Variants in MOB4 observed in about 807,000 individuals in gnomAD.
MOB4 encodes the protein MOB family member 4, phocein, also known as MOB-like protein phocein.
In MOB4, 4 loss-of-function variants were observed where a neutral mutation model predicts 32.2. The ratio of observed to expected loss-of-function variants is 0.12; its 90% CI spans 0.06 to 0.28. The LOEUF is 0.28. Ranked by LOEUF, MOB4 falls within the 10% of genes least tolerant of loss-of-function variation. MOB4 has a pLI of 1.00. For missense variants in MOB4, 158 were observed against 271.2 expected, an observed-to-expected ratio of 0.58 and a Z score of 2.93; for synonymous variants, 88 against 88.1, an observed-to-expected ratio of 1.00 and a Z score of 0.01.
At chr2:197,546,372 C>T (rs2086994009) in intron 5 of MOB4, among the ~76,000 whole-genome samples, 1 of 151,178 alleles carries the variant, frequency 6.6e-6, no homozygotes, top group South Asian at 2.1e-4. Context: ...CACGTTATCC[C>T]CTTTTTAATG....
At chr2:197,516,696 T>G (rs950256526) in intron 1 of MOB4, 1 of 471,722 alleles carries the variant, frequency 2.1e-6, no homozygotes, top group Middle Eastern at 3.2e-4. Flanking sequence ...TCCCTGCCGC[T>G]TTCCCTGGAG....
chr2:197,549,537 C>T (rs2087056995), intron 6 of MOB4, among the ~76,000 whole-genome samples: 1 of 151,870 alleles, frequency 6.6e-6, no homozygotes, highest in Admixed American at 6.6e-5. Flanking sequence ...TTTAAAAAAA[C>T]AATTTTAATT....
At chr2:197,546,710 A>T (rs142791091) in intron 5 of MOB4, among the ~76,000 whole-genome samples, 10 of 152,294 alleles carry the variant, frequency 6.6e-5, no homozygotes, top group East Asian at 5.8e-4. Context: ...TAGAAAATTT[A>T]AAATTAAATA....
chr2:197,538,860 C>G (rs78980484), intron 3 of MOB4, among the ~76,000 whole-genome samples: 4 of 152,032 alleles, frequency 2.6e-5, no homozygotes, highest in Non-Finnish European at 5.9e-5. Flanking sequence ...GAGGGTGATA[C>G]GGTGATTTAG....
At chr2:197,550,183 C>A in intron 6 of MOB4, 92 bp from the exon 7 acceptor site, 1 of 1,186,276 alleles carries the variant, frequency 8.4e-7, no homozygotes, top group Non-Finnish European at 1.1e-6. Context: ...CCCTAGGTGT[C>A]AGTTTCTACA....
Position 197,520,913 on chromosome 2 carries a change from A to G in MOB4, c.61-2711A>G, listed in dbSNP as rs532315054. 8.9e-4 allele frequency among the ~76,000 whole-genome samples: 135 copies of G among 151,474 alleles called. 1 individual carries two copies. Among genetic ancestry groups the G allele is most frequent in the African/African-American group, 3.1e-3 (128 of 41,282 alleles). ...TCTCTTAAAAAAAAAAAAAAAAAAA[A>G]AAAAGAAGAAGAAATAAAAATATTC... On this transcript the variant is annotated intron_variant, in intron 1 of 7. Transcript: ENST00000323303.
At chr2:197,542,256 CTT>C (rs1158023930) in intron 5 of MOB4, among the ~76,000 whole-genome samples, 2 of 152,270 alleles carry the variant, frequency 1.3e-5, no homozygotes, top group African/African-American at 4.8e-5. Flanking sequence ...TAAATTGAGT[CTT>C]AGAATTGCAG....
chr2:197,521,330 G>A (rs1247683620), intron 1 of MOB4, among the ~76,000 whole-genome samples: 1 of 152,192 alleles, frequency 6.6e-6, no homozygotes, highest in Non-Finnish European at 1.5e-5. Flanking sequence ...TGTACAAATA[G>A]GGTGTGGGTC....
upstream of MOB4, chr2:197,515,842 G>T: frequency 1.9e-6 from 1 of 533,176 alleles, no homozygotes; most frequent in Non-Finnish European, 3.3e-6. Context: ...AAAGAGGCTC[G>T]TGGCGCCCGC....
At chr2:197,526,497 A>C (rs1361394502) in intron 2 of MOB4, among the ~76,000 whole-genome samples, 1 of 151,972 alleles carries the variant, frequency 6.6e-6, no homozygotes, top group Non-Finnish European at 1.5e-5. Context: ...TTGTAGTTTT[A>C]GTTAGAGACA....
At chr2:197,517,636 ATT>A (rs1333495073) in intron 1 of MOB4, among the ~76,000 whole-genome samples, 1 of 152,036 alleles carries the variant, frequency 6.6e-6, no homozygotes, top group African/African-American at 2.4e-5. Context: ...AAGAAAACTT[ATT>A]GTCTTTTTTT....
At chr2:197,525,278 AGT>A (rs34363550) in intron 2 of MOB4, among the ~76,000 whole-genome samples, 100,339 of 150,482 alleles carry the variant, frequency 0.67, 33,734 homozygotes, top group Middle Eastern at 0.85. Flanking sequence ...CCTGGGAGGC[AGT>A]GAGCCTGCAG....
intron 2 of MOB4, among the ~76,000 whole-genome samples, chr2:197,529,599 A>C (rs145631665): frequency 0.018 from 2,749 of 151,798 alleles, 83 homozygotes; most frequent in African/African-American, 0.064. Context: ...TGATCCATCC[A>C]CCTCAGCCTC....
chr2:197,536,726 C>T (rs1323064168), intron 3 of MOB4, among the ~76,000 whole-genome samples: 7 of 150,806 alleles, frequency 4.6e-5, no homozygotes, highest in South Asian at 4.2e-4. Flanking sequence ...CTCAGCCTCC[C>T]GAGTAGCTGG....
intron 5 of MOB4, among the ~76,000 whole-genome samples, chr2:197,547,438 A>G (rs2087016887): frequency 6.6e-6 from 1 of 152,206 alleles, no homozygotes; most frequent in African/African-American, 2.4e-5. Flanking sequence ...GTTTTTTTCA[A>G]TAAATATTGC....
At chr2:197,519,603 C>T (rs992360976) in intron 1 of MOB4, among the ~76,000 whole-genome samples, 3 of 152,142 alleles carry the variant, frequency 2.0e-5, no homozygotes, top group African/African-American at 4.8e-5. Context: ...TTAGTACATA[C>T]GCAACTATCT....
chr2:197,542,219 C>G (rs1248569712), intron 5 of MOB4, among the ~76,000 whole-genome samples: 4 of 152,116 alleles, frequency 2.6e-5, no homozygotes, highest in African/African-American at 9.7e-5. Flanking sequence ...TATTAAATGA[C>G]AGGATAGTCA....
At chr2:197,527,762 G>A (rs1009006451) in intron 2 of MOB4, among the ~76,000 whole-genome samples, 13 of 152,222 alleles carry the variant, frequency 8.5e-5, no homozygotes, top group Non-Finnish European at 1.3e-4. Flanking sequence ...GAGGTTAGCT[G>A]TGAGCTTTTC....
rs576219080 is a variant in MOB4, at chr2:197,518,856, C to T, written c.60+2710C>T. Among the ~76,000 whole-genome samples, 9 of 151,658 alleles carry T rather than the reference C, an allele frequency of 5.9e-5. No individual in the cohort carries two copies. In the South Asian group the frequency reaches 1.0e-3, roughly 18 times the overall value. On this transcript the variant is annotated intron_variant, in intron 1 of 7. Transcript: ENST00000323303. ...CTGCAAGTTCCACGTCCCGGGTTCA[C>T]GCTGTTCTTCTGCCTCGGCCTCCCG... is the stretch of plus-strand genomic sequence containing the variant.
Sources: gnomAD v4.1 joint callset for allele counts (sites outside exome capture counted in the v4.1 genomes callset) on GRCh38, gnomAD v4.1.1 for gene constraint, MANE v1.5 for transcripts, NCBI Gene and HGNC (gene_info 2026-07-23, HGNC 2026-07-21) for gene names.